Variants in OTOGL observed in about 807,000 individuals in gnomAD.
OTOGL encodes the protein otogelin-like protein.
OTOGL carries 285 observed loss-of-function variants against 318.5 expected under a neutral mutation model. That is an observed-to-expected ratio of 0.89 (90% CI 0.81 to 0.99). OTOGL has a LOEUF of 0.99. Among genes scored for constraint, OTOGL ranks in the 50% least tolerant of loss-of-function variants. The pLI, the probability that OTOGL is intolerant of heterozygous loss-of-function variation, is 0.00. For missense variants in OTOGL, 2,899 were observed against 2,845.6 expected (o/e 1.02, Z -0.43); for synonymous variants, 987 against 936.5 (o/e 1.05, Z -0.99).
At chr12:80,305,500 A>G (rs1432451674) in intron 28 of OTOGL, 76 bp from the exon 29 acceptor site, 3 of 1,187,464 alleles carry the variant, frequency 2.5e-6, no homozygotes, top group Non-Finnish European at 3.2e-6. Context: ...AAATGTCTCA[A>G]AAGTTTTAAT....
At chr12:80,146,916 A>AT (rs200705938) in intron 1 of OTOGL, among the ~76,000 whole-genome samples, 69,874 of 151,340 alleles carry the variant, frequency 0.46, 16,117 homozygotes, top group East Asian at 0.49. Context: ...CCCTTTTATC[A>AT]TTTTTTATTG....
intron 50 of OTOGL, 55 bp from the exon 51 acceptor site, chr12:80,358,616 T>A (rs757135831): frequency 1.8e-5 from 25 of 1,377,006 alleles, no homozygotes; most frequent in African/African-American, 5.8e-5. Context: ...TGGTAGGTAA[T>A]GAGAAATGGC....
intron 4 of OTOGL, among the ~76,000 whole-genome samples, chr12:80,216,519 C>A (rs926075106): frequency 2.0e-5 from 3 of 152,148 alleles, no homozygotes; most frequent in Non-Finnish European, 2.9e-5. Context: ...CCATATAGAT[C>A]TTTTAAAAAC....
chr12:80,181,619 T>A (rs769503284), intron 1 of OTOGL, among the ~76,000 whole-genome samples: 1 of 151,330 alleles, frequency 6.6e-6, no homozygotes, highest in Non-Finnish European at 1.5e-5. Context: ...TACATAACCC[T>A]GAGGATCAAG....
chr12:80,268,656 T>C (rs1883183560), intron 22 of OTOGL, among the ~76,000 whole-genome samples: 1 of 152,142 alleles, frequency 6.6e-6, no homozygotes, highest in Non-Finnish European at 1.5e-5. Flanking sequence ...GACTCTTTCC[T>C]CTTGCTCAAA....
chr12:80,114,862 G>C (rs1428504517), intron 1 of OTOGL, among the ~76,000 whole-genome samples: 1 of 151,208 alleles, frequency 6.6e-6, no homozygotes, highest in East Asian at 2.0e-4. Flanking sequence ...ATTTCATTAA[G>C]TTGATCTTCA....
chr12:80,258,076 T>C, intron 18 of OTOGL, 74 bp downstream of exon 18: 3 of 1,283,506 alleles, frequency 2.3e-6, no homozygotes, highest in Non-Finnish European at 3.1e-6. Flanking sequence ...TTAAAAATGT[T>C]TACTTAACTA....
At chr12:80,355,976 T>C (rs367762356) in intron 47 of OTOGL, 28 bp downstream of exon 47, 5 of 1,593,618 alleles carry the variant, frequency 3.1e-6, no homozygotes, top group Non-Finnish European at 3.4e-6. Flanking sequence ...TTATAGTCAA[T>C]TGATTCCACA....
At chr12:80,142,249 A>G (rs1961724) in intron 1 of OTOGL, among the ~76,000 whole-genome samples, 9,988 of 152,170 alleles carry the variant, frequency 0.066, 1,024 homozygotes, top group African/African-American at 0.23. Flanking sequence ...GTAATATATC[A>G]TAGATTGACA....
intron 7 of OTOGL, among the ~76,000 whole-genome samples, chr12:80,227,969 TC>T (rs1239065124): frequency 6.6e-6 from 1 of 152,190 alleles, no homozygotes; most frequent in Non-Finnish European, 1.5e-5. Flanking sequence ...AGCTATATTT[TC>T]TATTAGCCGT....
At chr12:80,344,933 A>G (rs1465870360) in intron 44 of OTOGL, among the ~76,000 whole-genome samples, 1 of 148,166 alleles carries the variant, frequency 6.7e-6, no homozygotes, top group Non-Finnish European at 1.5e-5. Context: ...TTAATTTGCC[A>G]TTTTATCTGC....
intron 26 of OTOGL, among the ~76,000 whole-genome samples, chr12:80,296,045 T>C (rs770327135): frequency 6.6e-6 from 1 of 152,170 alleles, no homozygotes; most frequent in African/African-American, 2.4e-5. Flanking sequence ...GGTGGAAGTG[T>C]GTCATTTAGA....
At chr12:80,140,667 A>G (rs1871875476) in intron 1 of OTOGL, among the ~76,000 whole-genome samples, 1 of 152,126 alleles carries the variant, frequency 6.6e-6, no homozygotes, top group South Asian at 2.1e-4. Flanking sequence ...TACTAAGTAT[A>G]CCTACCTCTT....
intron 7 of OTOGL, among the ~76,000 whole-genome samples, chr12:80,223,355 G>A (rs1839652): frequency 1 from 151,528 of 152,004 alleles, 75,530 homozygotes; most frequent in Non-Finnish European, 1. Context: ...CTGGTTCCAT[G>A]TTTTTGCAAT....
intron 22 of OTOGL, among the ~76,000 whole-genome samples, chr12:80,268,028 G>T (rs1883130299): frequency 6.6e-6 from 1 of 151,804 alleles, no homozygotes; most frequent in African/African-American, 2.4e-5. Flanking sequence ...TAGTAAGTGT[G>T]CCTCCTCCCC....
rs1480662737 is a variant in OTOGL at position 80,323,667 on chromosome 12, T to TA, written c.4082-55dup. On this transcript the variant is annotated intron_variant, in intron 34 of 58. Coordinates refer to ENST00000547103, the MANE Select transcript of OTOGL (RefSeq NM_001378609.3). The stretch of plus-strand genomic sequence containing the variant: ...GTCTCAAGAAAGAAAAGGGAATTGT[T>TA]AGTTTTCAAGCTATGTATTAAATAT... The TA allele has an allele frequency of 3.8e-6, 5 of 1,307,952 alleles. No homozygotes were observed. In the African/African-American group the frequency reaches 7.3e-5, roughly 19 times the overall value. 81.0% of individuals were successfully genotyped at this position (1,307,952 alleles called of 1,614,324 possible). A position where few individuals can be genotyped will look rare whatever the true frequency, so the allele number is the denominator to read the frequency against.
intron 1 of OTOGL, among the ~76,000 whole-genome samples, chr12:80,120,568 A>T (rs1290673075): frequency 6.6e-6 from 1 of 152,208 alleles, no homozygotes; most frequent in African/African-American, 2.4e-5. Flanking sequence ...ATTCTCTCTC[A>T]TTGGAGGATC....
intron 29 of OTOGL, among the ~76,000 whole-genome samples, chr12:80,309,357 G>A (rs1886476441): frequency 6.6e-6 from 1 of 152,140 alleles, no homozygotes; most frequent in Non-Finnish European, 1.5e-5. Flanking sequence ...AAGGTACCCT[G>A]CAGGTGAATC....
chr12:80,102,821 C>A, intron 1 of OTOGL: 1 of 647,526 alleles, frequency 1.5e-6, no homozygotes, highest in African/African-American at 1.8e-5. Flanking sequence ...ACTCTTTACT[C>A]TCGGAGCTCT....
Sources: allele counts gnomAD v4.1 joint callset (sites outside exome capture counted in the v4.1 genomes callset), GRCh38; gene constraint gnomAD v4.1.1; transcripts MANE v1.5; gene names NCBI Gene and HGNC (gene_info 2026-07-23, HGNC 2026-07-21).